SYCP2L: variants seen among roughly 807,000 people sequenced by gnomAD.
SYCP2L encodes synaptonemal complex protein 2-like.
SYCP2L carries 98 observed loss-of-function variants against 125.8 expected under a neutral mutation model. The ratio of observed to expected loss-of-function variants is 0.78; its 90% confidence interval spans 0.66 to 0.92. The LOEUF is 0.92. Among genes scored for constraint, SYCP2L ranks in the 40% least tolerant of loss-of-function variants. SYCP2L has a pLI of 0.00. For synonymous variants in SYCP2L, 317 were observed against 325.4 expected, an observed-to-expected ratio of 0.97 and a Z score of 0.28; for missense variants, 842 against 936.4, an observed-to-expected ratio of 0.90 and a Z score of 1.32.
Position 10,924,671 on chromosome 6 carries a change from A to T in SYCP2L, c.1218+30A>T, listed in dbSNP as rs561100774. ...CAGGTTTCATTCTTTTGGATTATTT[A>T]AAAATGTTTTAGTATGTTTCATGTC... On this transcript the variant is annotated intron_variant, in intron 15 of 29. Transcript: ENST00000283141. 5.2e-4 allele frequency: 778 copies of T among 1,489,068 alleles called. 1 individual carries two copies. The highest frequency in any genetic ancestry group is 6.8e-4 in the Non-Finnish European group (760 of 1,125,748). The allele number at this position is 1,489,068 out of a possible 1,614,324, so 92.2% of individuals were successfully genotyped here. A position where few individuals can be genotyped will look rare whatever the true frequency, so the allele number is the denominator to read the frequency against.
At chr6:10,902,611 C>T (rs1036150684) in intron 6 of SYCP2L, 66 bp from the exon 7 acceptor site, 16 of 1,337,634 alleles carry the variant, frequency 1.2e-5, no homozygotes, top group South Asian at 3.8e-5. Context: ...AAGCTCTGAC[C>T]GTGTGTAGGA....
At chr6:10,962,978 T>C (rs956323737) in intron 28 of SYCP2L, among the ~76,000 whole-genome samples, 3 of 152,194 alleles carry the variant, frequency 2.0e-5, no homozygotes, top group African/African-American at 7.2e-5. Flanking sequence ...AGGCACACTT[T>C]GAGAACAGCT....
chr6:10,927,220 C>T lies in SYCP2L; in HGVS notation c.1313-20C>T, dbSNP rs999165545. 6.2e-7 allele frequency: 1 copy of T among 1,613,266 alleles called. No homozygotes were observed. The highest frequency in any genetic ancestry group is 8.5e-7 in the Non-Finnish European group (1 of 1,179,784). On this transcript the variant is annotated intron_variant, in intron 16 of 29. Transcript: ENST00000283141. ...GCGTGTGCACGGTTATTATATTAGTCTTTTTCTTAATTTGTATAGAGCAGG... is the reference window on the plus strand; with the variant it reads ...GCGTGTGCACGGTTATTATATTAGTTTTTTTCTTAATTTGTATAGAGCAGG...
intron 10 of SYCP2L, among the ~76,000 whole-genome samples, chr6:10,909,769 C>G (rs939977601): frequency 6.6e-5 from 10 of 152,186 alleles, no homozygotes; most frequent in African/African-American, 1.4e-4. Flanking sequence ...TAGTGCTGTG[C>G]AGGTGTTAGG....
chr6:10,896,442 T>G (rs576727810), intron 4 of SYCP2L, among the ~76,000 whole-genome samples: 2 of 152,234 alleles, frequency 1.3e-5, no homozygotes, highest in African/African-American at 4.8e-5. Flanking sequence ...GGGAGGGTGC[T>G]GGGAGTGCGA....
chr6:10,898,720 C>G, intron 5 of SYCP2L, 104 bp from the exon 6 acceptor site: 1 of 811,074 alleles, frequency 1.2e-6, no homozygotes, highest in South Asian at 1.5e-5. Context: ...TCTGTAAAGT[C>G]AATGCCTGCC....
intron 1 of SYCP2L, 104 bp downstream of exon 1, chr6:10,887,239 C>T: frequency 6.7e-7 from 1 of 1,500,848 alleles, no homozygotes; most frequent in Non-Finnish European, 9.2e-7. Context: ...GGTGTTCGCT[C>T]AGAGACCGGG....
At position 10,956,239 on chromosome 6, in the gene SYCP2L, T is replaced by A. The variant is rs1350459618; in HGVS notation, c.2160T>A (p.Tyr720Ter). 6.2e-7 allele frequency: 1 copy of A among 1,610,230 alleles called. No individual in the cohort carries two copies. Among genetic ancestry groups the A allele is most frequent in the Admixed American group, 1.7e-5 (1 of 60,000 alleles). ...TCACTAAAAAACGGAAAAGAAAATA[T>A]GAGGTAGTAGTCCACAAAACTTAAA... ...ENFTKKRKRK[Y>*]ELRYRKRPFN... The change falls in exon 25 of 30, where the codon TAT becomes TAA. Residue 720 changes from tyrosine (Y) to a stop codon, truncating the protein, a stop_gained. Transcript: ENST00000283141. LOFTEE classifies it high-confidence loss of function.
At chr6:10,930,237 TTATATTA>T (rs1780966889) in intron 18 of SYCP2L, 126 bp from the exon 19 acceptor site, 20 of 867,142 alleles carry the variant, frequency 2.3e-5, no homozygotes, top group Non-Finnish European at 3.4e-5. Context: ...TTCTTTGCTT[TTATATTA>T]TATAAGAGAG....
intron 14 of SYCP2L, among the ~76,000 whole-genome samples, chr6:10,922,528 C>T (rs61467486): frequency 0.027 from 4,030 of 148,822 alleles, 200 homozygotes; most frequent in East Asian, 0.24. Flanking sequence ...TGCAGTGGTG[C>T]GATCTCAGCT....
rs777055822 is a variant in SYCP2L at position 10,907,652 on chromosome 6, T to G, written c.787T>G (p.Phe263Val). 1 of 1,612,600 alleles carries G rather than the reference T, an allele frequency of 6.2e-7. No individual in the cohort carries two copies. The highest frequency in any genetic ancestry group is 1.7e-5 in the Admixed American group (1 of 59,432). The change falls in exon 10 of 30, where the codon TTC becomes GTC. Residue 263 changes from phenylalanine to valine, a missense_variant. Physicochemically the swap from Phe to Val is conservative, Grantham distance 50 (BLOSUM62 -1). Coordinates refer to ENST00000283141, the MANE Select transcript of SYCP2L (RefSeq NM_001040274.3). ...WFDDEVIAEAFKEIKDREFET... is the reference protein window; with the variant it reads ...WFDDEVIAEAVKEIKDREFET... ...TGATGATGAAGTCATTGCTGAAGCT[T>G]TCAAAGAAATTAAGGATCGAGAATT...
At chr6:10,889,068 G>A (rs763904121) in intron 1 of SYCP2L, among the ~76,000 whole-genome samples, 2 of 152,010 alleles carry the variant, frequency 1.3e-5, no homozygotes, top group Non-Finnish European at 2.9e-5. Flanking sequence ...CACCATATTG[G>A]ACAGGCTGGT....
chr6:10,961,352 G>A lies in SYCP2L; in HGVS notation c.2303G>A (p.Ser768Asn). The A allele has an allele frequency of 6.2e-7, 1 of 1,614,178 alleles. No individual in the cohort carries two copies. Among genetic ancestry groups the A allele is most frequent in the Non-Finnish European group, 8.5e-7 (1 of 1,180,020 alleles). ...CAAAATTTGGTTCTTCAAGAGTTGAGCAGTCTTAAGCAGGATATTCAGGCC... is the reference window on the plus strand; with the variant it reads ...CAAAATTTGGTTCTTCAAGAGTTGAACAGTCTTAAGCAGGATATTCAGGCC... ...RFQNLVLQEL[S>N]SLKQDIQALE... is the part of the protein sequence containing the mutation. Residue 768 changes from serine to asparagine, a missense_variant, in exon 27 of 30, where the codon AGC (serine) becomes AAC (asparagine). Transcript: ENST00000283141.
chr6:10,929,823 C>T (rs972672690), intron 18 of SYCP2L: 1 of 152,054 alleles, frequency 6.6e-6, no homozygotes, highest in African/African-American at 2.4e-5. Flanking sequence ...GCCTGTAATC[C>T]CAGCTACTCT....
At chr6:10,938,186 A>G (rs929606408) in intron 21 of SYCP2L, among the ~76,000 whole-genome samples, 4 of 152,206 alleles carry the variant, frequency 2.6e-5, no homozygotes, top group African/African-American at 9.6e-5. Context: ...AACTTACTAA[A>G]TAGCACATTA....
intron 2 of SYCP2L, among the ~76,000 whole-genome samples, chr6:10,891,797 T>C (rs1252423014): frequency 6.6e-6 from 1 of 152,170 alleles, no homozygotes. Context: ...ATGTCCAATT[T>C]ATTACTATAT....
At chr6:10,890,070 T>A (rs1409199609) in intron 1 of SYCP2L, among the ~76,000 whole-genome samples, 2 of 152,232 alleles carry the variant, frequency 1.3e-5, no homozygotes, top group African/African-American at 4.8e-5. Flanking sequence ...TGAAAAGTAT[T>A]CCACTGTGTG....
At chr6:10,929,317 G>T (rs563210452) in intron 18 of SYCP2L, among the ~76,000 whole-genome samples, 1 of 152,280 alleles carries the variant, frequency 6.6e-6, no homozygotes, top group East Asian at 1.9e-4. Flanking sequence ...TTGGGAGTGA[G>T]ACTTAGCTCC....
At chr6:10,923,241 G>T (rs1424696942) in intron 14 of SYCP2L, among the ~76,000 whole-genome samples, 2 of 151,918 alleles carry the variant, frequency 1.3e-5, no homozygotes, top group African/African-American at 2.4e-5. Flanking sequence ...GACTTACCTT[G>T]TACTTAATGT....
Sources: gnomAD v4.1 joint callset for allele counts (sites outside exome capture counted in the v4.1 genomes callset) on GRCh38, gnomAD v4.1.1 for gene constraint, MANE v1.5 for transcripts, NCBI Gene and HGNC (gene_info 2026-07-23, HGNC 2026-07-21) for gene names.